Variants in DLGAP2 observed in about 807,000 individuals in gnomAD.
DLGAP2 encodes the protein DLG associated protein 2, also known as disks large-associated protein 2.
DLGAP2 carries 26 observed loss-of-function variants against 100.3 expected under a neutral mutation model. The ratio of observed to expected loss-of-function variants is 0.26; its 90% CI spans 0.19 to 0.36. The LOEUF (loss-of-function observed/expected upper bound fraction) is 0.36, where lower values mean the gene tolerates loss of function less well. Among genes scored for constraint, DLGAP2 ranks in the 10% least tolerant of loss-of-function variants. The pLI, the probability that DLGAP2 is intolerant of heterozygous loss-of-function variation, is 1.00. For missense variants in DLGAP2, 1,858 were observed against 1,453.2 expected, an observed-to-expected ratio of 1.28 and a Z score of -4.53; for synonymous variants, 886 against 630.1, an observed-to-expected ratio of 1.41 and a Z score of -6.08.
intron 2 of DLGAP2, among the ~76,000 whole-genome samples, chr8:1,183,450 A>G (rs1392349181): frequency 6.6e-6 from 1 of 152,222 alleles, no homozygotes; most frequent in Non-Finnish European, 1.5e-5. Flanking sequence ...GATCTATAGA[A>G]TGCACTGCTA....
At chr8:1,204,593 T>C (rs1235918314) in intron 2 of DLGAP2, among the ~76,000 whole-genome samples, 3 of 145,110 alleles carry the variant, frequency 2.1e-5, no homozygotes, top group Non-Finnish European at 4.5e-5. Flanking sequence ...GTTTGGGTAA[T>C]TTTGAGGCCT....
chr8:1,414,146 G>C (rs1584874443), intron 3 of DLGAP2, among the ~76,000 whole-genome samples: 1 of 152,320 alleles, frequency 6.6e-6, no homozygotes, highest in Admixed American at 6.5e-5. Context: ...GAAGTGTTCA[G>C]GGTTGGGGGG....
chr8:865,326 A>G (rs184835319), intron 1 of DLGAP2, among the ~76,000 whole-genome samples: 267 of 152,352 alleles, frequency 1.8e-3, no homozygotes, highest in African/African-American at 5.9e-3. Flanking sequence ...CGCTGAGCTC[A>G]TGCCACAGGC....
chr8:1,697,326 C>G, intron 14 of DLGAP2, 27 bp downstream of exon 14: 1 of 1,561,088 alleles, frequency 6.4e-7, no homozygotes, highest in Non-Finnish European at 8.7e-7. Context: ...AGGGCCGGCT[C>G]CCAGCAAACC....
chr8:1,194,287 A>T (rs1369194810), intron 2 of DLGAP2, among the ~76,000 whole-genome samples: 3 of 152,094 alleles, frequency 2.0e-5, no homozygotes, highest in East Asian at 3.9e-4. Context: ...GTGAACCTGC[A>T]AGAGACAAGC....
chr8:856,705 ACT>A (rs1266233198), intron 1 of DLGAP2, among the ~76,000 whole-genome samples: 1 of 152,168 alleles, frequency 6.6e-6, no homozygotes, highest in Non-Finnish European at 1.5e-5. Flanking sequence ...AAACTACAAA[ACT>A]CTGTTGAAAG....
intron 1 of DLGAP2, among the ~76,000 whole-genome samples, chr8:892,726 G>A (rs550962974): frequency 5.6e-4 from 86 of 152,300 alleles, no homozygotes; most frequent in Admixed American, 1.2e-3. Context: ...ACCACCAGGC[G>A]GGGCAGAGGG....
intron 6 of DLGAP2, among the ~76,000 whole-genome samples, chr8:1,589,727 A>G (rs895943960): frequency 7.2e-5 from 11 of 152,206 alleles, no homozygotes; most frequent in African/African-American, 2.7e-4. Flanking sequence ...GATGTACAGT[A>G]AGGGAATACG....
At chr8:934,397 C>G (rs1041287272) in intron 2 of DLGAP2, among the ~76,000 whole-genome samples, 6 of 152,196 alleles carry the variant, frequency 3.9e-5, no homozygotes, top group Non-Finnish European at 4.4e-5. Context: ...ACACCTGGCT[C>G]TTTGTTTTCA....
intron 2 of DLGAP2, among the ~76,000 whole-genome samples, chr8:1,175,245 A>T (rs916478959): frequency 1.8e-4 from 26 of 148,428 alleles, no homozygotes; most frequent in African/African-American, 4.4e-4. Flanking sequence ...GCTTGATTTT[A>T]AAAAAAAAAC....
At chr8:1,616,233 A>G (rs1401410717) in intron 6 of DLGAP2, among the ~76,000 whole-genome samples, 2 of 152,202 alleles carry the variant, frequency 1.3e-5, no homozygotes, top group Non-Finnish European at 2.9e-5. Flanking sequence ...ATTAAAAAAA[A>G]GAATAGAGCC....
intron 2 of DLGAP2, among the ~76,000 whole-genome samples, chr8:1,006,796 T>TATG (rs1801125302): frequency 1.4e-5 from 1 of 70,146 alleles, no homozygotes; most frequent in African/African-American, 6.3e-5. Flanking sequence ...AGTCTCAGGA[T>TATG]GTCCTTTATC....
intron 2 of DLGAP2, among the ~76,000 whole-genome samples, chr8:1,243,397 A>G (rs930737145): frequency 6.6e-6 from 1 of 152,138 alleles, no homozygotes; most frequent in African/African-American, 2.4e-5. Context: ...AGCGACGGTC[A>G]TTCCTCCTGC....
At chr8:809,608 CT>C (rs1313248651) in intron 1 of DLGAP2, among the ~76,000 whole-genome samples, 2 of 152,154 alleles carry the variant, frequency 1.3e-5, no homozygotes, top group Admixed American at 6.5e-5. Flanking sequence ...GAAATGGCTT[CT>C]TTTTGCACAA....
intron 6 of DLGAP2, among the ~76,000 whole-genome samples, chr8:1,598,172 A>G (rs1419802226): frequency 1.3e-5 from 2 of 152,146 alleles, no homozygotes; most frequent in Non-Finnish European, 2.9e-5. Context: ...ATGTTTACTG[A>G]TTTGCATATG....
At chr8:1,593,882 C>G (rs1225468455) in intron 6 of DLGAP2, among the ~76,000 whole-genome samples, 2 of 152,198 alleles carry the variant, frequency 1.3e-5, no homozygotes, top group Non-Finnish European at 2.9e-5. Context: ...AAGAGGTGAT[C>G]CATGCATCCC....
intron 2 of DLGAP2, among the ~76,000 whole-genome samples, chr8:998,834 G>A (rs766884253): frequency 8.5e-5 from 13 of 152,130 alleles, no homozygotes; most frequent in Non-Finnish European, 1.9e-4. Flanking sequence ...TCTTTATACT[G>A]TGTATATTTT....
At chr8:975,900 G>A (rs532076054) in intron 2 of DLGAP2, among the ~76,000 whole-genome samples, 9 of 150,142 alleles carry the variant, frequency 6.0e-5, no homozygotes, top group Non-Finnish European at 8.9e-5. Context: ...AGACCAAGAC[G>A]GGAGAAATAA....
intron 2 of DLGAP2, among the ~76,000 whole-genome samples, chr8:1,028,054 A>G (rs1281066967): frequency 7.5e-6 from 1 of 132,820 alleles, no homozygotes; most frequent in Non-Finnish European, 1.6e-5. Flanking sequence ...GGTGCCCATT[A>G]TTCTCCAGGT....
Sources: allele counts gnomAD v4.1 joint callset (sites outside exome capture counted in the v4.1 genomes callset), GRCh38; gene constraint gnomAD v4.1.1; transcripts MANE v1.5; gene names NCBI Gene and HGNC (gene_info 2026-07-23, HGNC 2026-07-21).